The following RARB variants were observed in gnomAD, a reference collection of about 807,000 sequenced individuals.
The protein encoded by RARB is retinoic acid receptor beta.
A neutral mutation model predicts 51.9 loss-of-function variants in RARB; 17 were observed. That is an observed-to-expected ratio of 0.33 (90% CI 0.22 to 0.49). The LOEUF (loss-of-function observed/expected upper bound fraction) is 0.49. RARB is among the 20% of genes least tolerant of loss of function. The pLI is 0.99. For missense variants in RARB, 369 were observed against 550.8 expected, an observed-to-expected ratio of 0.67 and a Z score of 3.30; for synonymous variants, 215 against 195.4, an observed-to-expected ratio of 1.10 and a Z score of -0.84.
At chr3:25,388,319 T>G (rs1187461566) in intron 5 of RARB, among the ~76,000 whole-genome samples, 1 of 152,228 alleles carries the variant, frequency 6.6e-6, no homozygotes, top group African/African-American at 2.4e-5. Flanking sequence ...GATTTATTAG[T>G]AATTTGTACC....
At chr3:25,538,596 C>A (rs944511375) in intron 3 of RARB, among the ~76,000 whole-genome samples, 3 of 152,202 alleles carry the variant, frequency 2.0e-5, no homozygotes, top group African/African-American at 7.2e-5. Context: ...CATTTAGAAA[C>A]TTCAGCAACT....
At chr3:25,259,031 T>C (rs963544933) in intron 5 of RARB, 3 of 985,154 alleles carry the variant, frequency 3.0e-6, no homozygotes, top group African/African-American at 1.7e-5. Context: ...GCTTCTGATA[T>C]TAGTAGGCAG....
intron 5 of RARB, among the ~76,000 whole-genome samples, chr3:25,228,350 A>C (rs1702104517): frequency 6.7e-6 from 1 of 148,750 alleles, no homozygotes; most frequent in Admixed American, 6.8e-5. Flanking sequence ...TTATTTTCTC[A>C]TGTCTGTCCT....
At chr3:24,901,444 T>A (rs1703602855) in intron 2 of RARB, among the ~76,000 whole-genome samples, 1 of 152,222 alleles carries the variant, frequency 6.6e-6, no homozygotes, top group African/African-American at 2.4e-5. Context: ...CCTCACTATG[T>A]AGCCCAGGCT....
At chr3:25,203,727 A>C (rs886391153) in intron 5 of RARB, among the ~76,000 whole-genome samples, 2 of 152,150 alleles carry the variant, frequency 1.3e-5, no homozygotes, top group Non-Finnish European at 2.9e-5. Flanking sequence ...TTGGATTGAA[A>C]ATTCTTTTCT....
intron 2 of RARB, among the ~76,000 whole-genome samples, chr3:25,014,700 C>T (rs1325604784): frequency 6.6e-6 from 1 of 151,904 alleles, no homozygotes; most frequent in Non-Finnish European, 1.5e-5. Context: ...GTTTTCTATC[C>T]AGCAGTAGAG....
At chr3:25,057,572 C>T (rs1208739453) in intron 2 of RARB, among the ~76,000 whole-genome samples, 4 of 151,948 alleles carry the variant, frequency 2.6e-5, no homozygotes, top group African/African-American at 9.7e-5. Flanking sequence ...CCAATTTTTG[C>T]TTTGAAAGAC....
intron 5 of RARB, among the ~76,000 whole-genome samples, chr3:25,229,388 T>C (rs865960877): frequency 6.6e-6 from 1 of 152,158 alleles, no homozygotes; most frequent in African/African-American, 2.4e-5. Flanking sequence ...TTGAATTTGA[T>C]AAGTACAAAA....
chr3:24,936,678 G>T (rs1695554824), intron 2 of RARB, among the ~76,000 whole-genome samples: 1 of 152,180 alleles, frequency 6.6e-6, no homozygotes, highest in African/African-American at 2.4e-5. Flanking sequence ...CATGACATTT[G>T]CTTTTAAAGC....
At chr3:25,123,957 G>A (rs1699823848) in intron 3 of RARB, among the ~76,000 whole-genome samples, 1 of 152,134 alleles carries the variant, frequency 6.6e-6, no homozygotes, top group South Asian at 2.1e-4. Context: ...GAACCAGTCT[G>A]TGTCAAAGAT....
chr3:24,906,266 C>T (rs1027238064), intron 2 of RARB, among the ~76,000 whole-genome samples: 64 of 152,126 alleles, frequency 4.2e-4, no homozygotes, highest in African/African-American at 1.3e-3. Flanking sequence ...GTTTCTGGAG[C>T]TTAGGGCTGG....
intron 5 of RARB, among the ~76,000 whole-genome samples, chr3:25,317,713 A>T (rs1403140477): frequency 6.6e-6 from 1 of 152,212 alleles, no homozygotes; most frequent in East Asian, 1.9e-4. Flanking sequence ...TCTAAAAGAG[A>T]TCATTCGAGA....
At chr3:25,314,312 T>C (rs993235608) in intron 5 of RARB, among the ~76,000 whole-genome samples, 10 of 152,208 alleles carry the variant, frequency 6.6e-5, no homozygotes, top group African/African-American at 2.4e-4. Context: ...TAATTGTCTT[T>C]CCTCACTATG....
At chr3:24,936,610 G>T (rs1473458314) in intron 2 of RARB, among the ~76,000 whole-genome samples, 2 of 152,178 alleles carry the variant, frequency 1.3e-5, no homozygotes, top group African/African-American at 4.8e-5. Flanking sequence ...TGAGGGCATA[G>T]ATAATCCACA....
intron 2 of RARB, among the ~76,000 whole-genome samples, chr3:25,003,360 G>A (rs1697207187): frequency 6.6e-6 from 1 of 152,098 alleles, no homozygotes; most frequent in Non-Finnish European, 1.5e-5. Flanking sequence ...CCGAATGCAA[G>A]TTATTAATTT....
chr3:25,519,632 A>T (rs1331449947), intron 3 of RARB, among the ~76,000 whole-genome samples: 4 of 152,214 alleles, frequency 2.6e-5, no homozygotes, highest in Non-Finnish European at 5.9e-5. Flanking sequence ...TTGAAAGATA[A>T]AACCCAAAAT....
At chr3:25,386,308 A>G (rs904562147) in intron 5 of RARB, among the ~76,000 whole-genome samples, 1 of 152,016 alleles carries the variant, frequency 6.6e-6, no homozygotes, top group Non-Finnish European at 1.5e-5. Context: ...GCTGGGGTGG[A>G]GAGGGGTGGG....
At chr3:25,325,586 C>A (rs1353614150) in intron 5 of RARB, among the ~76,000 whole-genome samples, 1 of 151,876 alleles carries the variant, frequency 6.6e-6, no homozygotes, top group African/African-American at 2.4e-5. Flanking sequence ...TTTAATAACA[C>A]CCCAACTCCT....
Position 25,205,190 on chromosome 3 carries a change from G to A in RARB, c.178+30615G>A, listed in dbSNP as rs1019149448. 4.6e-5 allele frequency among the ~76,000 whole-genome samples: 7 copies of A among 152,160 alleles called. No homozygotes were observed. In the East Asian group the frequency reaches 5.8e-4, roughly 13 times the overall value. ...GATCTCAGACTGCTGTGCTAGCAAT[G>A]AGCGAGGCTCCATGGGCGTAGGACC... On this transcript the variant is annotated intron_variant, in intron 5 of 11. Coordinates refer to the RARB transcript ENST00000383772.
Sources: gnomAD v4.1 joint callset for allele counts (sites outside exome capture counted in the v4.1 genomes callset) on GRCh38, gnomAD v4.1.1 for gene constraint, MANE v1.5 for transcripts, NCBI Gene and HGNC (gene_info 2026-07-23, HGNC 2026-07-21) for gene names.